Variants in CAMK1D observed in about 807,000 individuals in gnomAD.
CAMK1D encodes the protein calcium/calmodulin-dependent protein kinase type 1D.
A neutral mutation model predicts 47.7 loss-of-function variants in CAMK1D; 9 were observed. That is an observed-to-expected ratio of 0.19 (90% confidence interval 0.11 to 0.33). The LOEUF (loss-of-function observed/expected upper bound fraction) is 0.33, where lower values mean the gene tolerates loss of function less well. CAMK1D is among the 10% of genes least tolerant of loss of function. The pLI, the probability that CAMK1D is intolerant of heterozygous loss-of-function variation, is 1.00. For missense variants in CAMK1D, 291 were observed against 488.7 expected, an observed-to-expected ratio of 0.60 and a Z score of 3.81; for synonymous variants, 184 against 184.9, an observed-to-expected ratio of 0.99 and a Z score of 0.04.
chr10:12,689,802 C>A (rs903582514), intron 3 of CAMK1D, among the ~76,000 whole-genome samples: 2 of 151,546 alleles, frequency 1.3e-5, no homozygotes, highest in Non-Finnish European at 2.9e-5. Context: ...ATGGTTTGAA[C>A]TGAGCCTGCT....
chr10:12,791,706 T>G (rs1837986833), intron 6 of CAMK1D, among the ~76,000 whole-genome samples: 1 of 152,238 alleles, frequency 6.6e-6, no homozygotes, highest in South Asian at 2.1e-4. Context: ...TAGACCATGT[T>G]TTGTTTATCC....
chr10:12,819,258 G>T (rs529424536), intron 8 of CAMK1D, among the ~76,000 whole-genome samples: 2 of 152,216 alleles, frequency 1.3e-5, no homozygotes, highest in East Asian at 3.9e-4. Context: ...CCAGGCCAGC[G>T]GGAAGAGGAG....
At chr10:12,672,613 C>T (rs559948497) in intron 3 of CAMK1D, among the ~76,000 whole-genome samples, 18 of 151,662 alleles carry the variant, frequency 1.2e-4, no homozygotes, top group African/African-American at 4.4e-4. Context: ...TCAAGTGATC[C>T]ACCCACCTCA....
chr10:12,729,563 G>A (rs958521258), intron 3 of CAMK1D, among the ~76,000 whole-genome samples: 14 of 152,084 alleles, frequency 9.2e-5, no homozygotes, highest in African/African-American at 2.9e-4. Flanking sequence ...ACTTGAGCCC[G>A]GGCTGCAGTG....
At chr10:12,534,182 C>A in intron 1 of CAMK1D, among the ~76,000 whole-genome samples, 1 of 152,072 alleles carries the variant, frequency 6.6e-6, no homozygotes, top group East Asian at 1.9e-4. Flanking sequence ...ATCTATCTAT[C>A]TATCTGTCTA....
At chr10:12,473,063 A>G (rs957526052) in intron 1 of CAMK1D, among the ~76,000 whole-genome samples, 5 of 152,130 alleles carry the variant, frequency 3.3e-5, no homozygotes, top group African/African-American at 1.2e-4. Context: ...TGGTAAACAG[A>G]TGCCTGTTAG....
chr10:12,706,927 G>A (rs1306364463), intron 3 of CAMK1D, among the ~76,000 whole-genome samples: 1 of 152,180 alleles, frequency 6.6e-6, no homozygotes, highest in African/African-American at 2.4e-5. Flanking sequence ...CATTTAGGGT[G>A]GGACGTGCTA....
chr10:12,720,299 T>C (rs533181646), intron 3 of CAMK1D, among the ~76,000 whole-genome samples: 1 of 152,256 alleles, frequency 6.6e-6, no homozygotes, highest in Non-Finnish European at 1.5e-5. Flanking sequence ...ACTCTTGGGG[T>C]ATCAGTGAGA....
chr10:12,375,301 T>C (rs1027383569), intron 1 of CAMK1D, among the ~76,000 whole-genome samples: 1 of 152,208 alleles, frequency 6.6e-6, no homozygotes, highest in Non-Finnish European at 1.5e-5. Context: ...AGCCTGCTTT[T>C]CTAAATGTTT....
chr10:12,408,297 G>A (rs1274881301), intron 1 of CAMK1D, among the ~76,000 whole-genome samples: 1 of 152,222 alleles, frequency 6.6e-6, no homozygotes, highest in Non-Finnish European at 1.5e-5. Flanking sequence ...GAGTAGTTGG[G>A]ACTACAGGCG....
At chr10:12,607,953 C>T (rs1838512097) in intron 2 of CAMK1D, among the ~76,000 whole-genome samples, 1 of 151,972 alleles carries the variant, frequency 6.6e-6, no homozygotes. Context: ...AGAGGGAGAC[C>T]TGTCTCTTTA....
intron 2 of CAMK1D, among the ~76,000 whole-genome samples, chr10:12,634,775 T>G (rs2132473502): frequency 6.6e-6 from 1 of 152,194 alleles, no homozygotes; most frequent in African/African-American, 2.4e-5. Context: ...CAGCTTTCGC[T>G]TCTCTCTGCC....
At chr10:12,633,120 G>A in intron 2 of CAMK1D, among the ~76,000 whole-genome samples, 1 of 152,224 alleles carries the variant, frequency 6.6e-6, no homozygotes, top group Non-Finnish European at 1.5e-5. Context: ...TAGTTACACA[G>A]GAGCTGAGCG....
At chr10:12,637,538 G>A (rs1282569047) in intron 2 of CAMK1D, among the ~76,000 whole-genome samples, 2 of 148,766 alleles carry the variant, frequency 1.3e-5, no homozygotes, top group Non-Finnish European at 3.0e-5. Context: ...GAGGCAGGTT[G>A]CAGAAATGCC....
At position 12,738,603 on chromosome 10, in the gene CAMK1D, C is replaced by T. The variant is rs190096512; in HGVS notation, c.300-22345C>T. On this transcript the variant is annotated intron_variant, in intron 3 of 10. Coordinates refer to ENST00000619168, the MANE Select transcript of CAMK1D (RefSeq NM_153498.4). Reference sequence around the variant, plus strand: ...ATCCCAGCACTTTGGGAGGCTGAGGCGGGCGTATCACGAGGTCAGGAGATC... The same window carrying T: ...ATCCCAGCACTTTGGGAGGCTGAGGTGGGCGTATCACGAGGTCAGGAGATC... 5.9e-5 allele frequency among the ~76,000 whole-genome samples: 9 copies of T among 151,528 alleles called. No homozygotes were observed. The East Asian group carries it at 1.2e-3, about 20-fold the overall frequency.
intron 5 of CAMK1D, among the ~76,000 whole-genome samples, chr10:12,783,107 CTCA>C (rs890069877): frequency 6.6e-6 from 1 of 151,954 alleles, no homozygotes; most frequent in African/African-American, 2.4e-5. Flanking sequence ...GTTCTCCTGC[CTCA>C]GCCTCCAGAG....
At chr10:12,394,100 C>A (rs147221765) in intron 1 of CAMK1D, among the ~76,000 whole-genome samples, 3 of 152,352 alleles carry the variant, frequency 2.0e-5, no homozygotes, top group African/African-American at 7.2e-5. Context: ...ACCATCCCAA[C>A]ACACGTTTGA....
At chr10:12,623,402 TTC>T in intron 2 of CAMK1D, among the ~76,000 whole-genome samples, 1 of 6,304 alleles carries the variant, frequency 1.6e-4, no homozygotes, top group Non-Finnish European at 4.7e-4. Context: ...CCTCCCTCCC[TTC>T]CTCCCTCCTT....
At chr10:12,749,463 AAG>A (rs1491292851) in intron 3 of CAMK1D, among the ~76,000 whole-genome samples, 10 of 150,752 alleles carry the variant, frequency 6.6e-5, no homozygotes, top group African/African-American at 9.8e-5. Context: ...AAAAAAAAAA[AAG>A]AAATCCATTG....
Sources: allele counts gnomAD v4.1 joint callset (sites outside exome capture counted in the v4.1 genomes callset), GRCh38; gene constraint gnomAD v4.1.1; transcripts MANE v1.5; gene names NCBI Gene and HGNC (gene_info 2026-07-23, HGNC 2026-07-21).